The following SYNRG variants were observed in gnomAD, a reference collection of about 807,000 sequenced individuals.
SYNRG encodes the protein synergin gamma, also known as AP1 gamma subunit binding protein 1.
Under a neutral mutation model 130.9 loss-of-function variants are expected in SYNRG, and 37 were observed. The ratio of observed to expected loss-of-function variants is 0.28; its 90% CI spans 0.22 to 0.37. The LOEUF (loss-of-function observed/expected upper bound fraction) is 0.37. Ranked by LOEUF, SYNRG falls within the 10% of genes least tolerant of loss-of-function variation. SYNRG has a pLI of 1.00. For missense variants in SYNRG, 1,338 were observed against 1,588.9 expected, an observed-to-expected ratio of 0.84 and a Z score of 2.68; for synonymous variants, 539 against 568.1, an observed-to-expected ratio of 0.95 and a Z score of 0.73.
intron 16 of SYNRG, 121 bp downstream of exon 16, chr17:37,540,259 C>T: frequency 8.3e-7 from 1 of 1,199,866 alleles, no homozygotes; most frequent in Non-Finnish European, 1.2e-6. Flanking sequence ...TAGTTTATGT[C>T]TGGTGCTTTG....
At position 37,554,302 on chromosome 17, in the gene SYNRG, A is replaced by G. The variant is rs2058938885; in HGVS notation, c.1664-243T>C. On this transcript the variant is annotated intron_variant, in intron 13 of 21. Transcript: ENST00000612223. ...CTGACGGTACCATTTTCATTTGCTC[A>G]TGCTTTTAGTGTGGGATCTCTCTTA... 2.0e-5 allele frequency among the ~76,000 whole-genome samples: 3 copies of G among 152,318 alleles called. No homozygotes were observed. In the South Asian group the frequency reaches 6.2e-4, roughly 32 times the overall value.
chr17:37,531,955 A>G (rs536388791), intron 19 of SYNRG, among the ~76,000 whole-genome samples: 2 of 152,256 alleles, frequency 1.3e-5, no homozygotes, highest in South Asian at 4.2e-4. Context: ...TACTTAACCA[A>G]TCCTCTAGAT....
In SYNRG at chr17:37,547,705, C is replaced by T. The variant is rs1370742412; in HGVS notation, c.2609-5140G>A. Among the ~76,000 whole-genome samples, 6 of 152,256 alleles carry T rather than the reference C, an allele frequency of 3.9e-5. No individual in the cohort carries two copies. The East Asian group carries it at 7.7e-4, about 20-fold the overall frequency. ...CTCCAACTCCTGACCTCAGGTGATC[C>T]GCCTGCCTTCGCCTCCCAAAGTGCT... On this transcript the variant is annotated intron_variant, in intron 14 of 21. Transcript: ENST00000612223.
Position 37,553,841 on chromosome 17 carries a change from C to T in SYNRG, c.1882G>A (p.Glu628Lys), listed in dbSNP as rs766840946. ...ACAGCTGAAAAAGACAATGGTTTCT[C>T]GCTGCTGCAATTAACTGAGGAAAAC... ...DMFSSVNCSSEKPLSFSAVFS... is the reference protein window; with the variant it reads ...DMFSSVNCSSKKPLSFSAVFS... The change falls in exon 14 of 22, where the codon GAG becomes AAG. Residue 628 changes from glutamate (E) to lysine (K), a missense_variant. Glu to Lys is a moderately conservative substitution (Grantham distance 56). Around this residue, in one of 3 missense-constraint regions of SYNRG, gnomAD observed 1,146 missense variants for 1,342.3 expected, o/e 0.85. Transcript: ENST00000612223. 7.4e-6 allele frequency: 12 copies of T among 1,612,848 alleles called. No individual in the cohort carries two copies. In the East Asian group the frequency reaches 2.2e-4, roughly 30 times the overall value.
chr17:37,523,003 T>A (rs549881137), intron 19 of SYNRG, among the ~76,000 whole-genome samples: 1 of 152,236 alleles, frequency 6.6e-6, no homozygotes, highest in Non-Finnish European at 1.5e-5. Flanking sequence ...ACTGAGGACA[T>A]CCCTCAGTCC....
At chr17:37,581,261 AT>A (rs1339981996) in intron 6 of SYNRG, among the ~76,000 whole-genome samples, 1 of 148,700 alleles carries the variant, frequency 6.7e-6, no homozygotes, top group East Asian at 2.2e-4. Context: ...CTTCACATTT[AT>A]TATTATTATT....
chr17:37,550,990 G>A (rs1177987961), intron 14 of SYNRG, among the ~76,000 whole-genome samples: 2 of 152,188 alleles, frequency 1.3e-5, no homozygotes, highest in East Asian at 1.9e-4. Flanking sequence ...ATCAGGCAAT[G>A]TTATCAGTAT....
chr17:37,543,095 C>T (rs1212814066), intron 14 of SYNRG, among the ~76,000 whole-genome samples: 1 of 152,076 alleles, frequency 6.6e-6, no homozygotes, highest in Non-Finnish European at 1.5e-5. Context: ...ATAATATTAT[C>T]AATTATTAGA....
chr17:37,545,457 C>T (rs2058199876), intron 14 of SYNRG, among the ~76,000 whole-genome samples: 1 of 152,100 alleles, frequency 6.6e-6, no homozygotes, highest in South Asian at 2.1e-4. Flanking sequence ...AGCTCCAGTT[C>T]AAACACTGCA....
chr17:37,537,731 C>T (rs1005314623), intron 18 of SYNRG, among the ~76,000 whole-genome samples: 3 of 152,052 alleles, frequency 2.0e-5, no homozygotes, highest in Non-Finnish European at 2.9e-5. Flanking sequence ...TGGGAAGTAC[C>T]GGGGTAGGGA....
At chr17:37,521,414 G>C (rs939580989) in intron 19 of SYNRG, among the ~76,000 whole-genome samples, 2 of 152,098 alleles carry the variant, frequency 1.3e-5, no homozygotes, top group African/African-American at 4.8e-5. Context: ...GTGAGGTAGG[G>C]GAGGGAAGGA....
At position 37,570,718 on chromosome 17, in the gene SYNRG, C is replaced by T; in HGVS notation, c.1266G>A (p.Met422Ile). Residue 422 changes from methionine to isoleucine, a missense_variant, in exon 10 of 22, where the codon ATG (methionine) becomes ATA (isoleucine). Met to Ile is a conservative substitution (Grantham distance 10). Transcript: ENST00000612223. ...SMPLSLGQPV[M>I]GINLVGPVGG... is the part of the protein sequence containing the mutation. ...CCACTGGTCCAACAAGGTTAATGCC[C>T]ATGACTGGCTGTCCAAGGCTGAGGG... The T allele has an allele frequency of 4.3e-6, 7 of 1,614,204 alleles. No individual in the cohort carries two copies. Among genetic ancestry groups the T allele is most frequent in the Non-Finnish European group, 5.9e-6 (7 of 1,180,044 alleles).
intron 1 of SYNRG, among the ~76,000 whole-genome samples, chr17:37,606,634 T>A (rs1224404905): frequency 6.6e-6 from 1 of 152,172 alleles, no homozygotes; most frequent in African/African-American, 2.4e-5. Context: ...AACTCTTTTT[T>A]TTTTCTGCCT....
chr17:37,559,333 TA>T (rs558939425), intron 13 of SYNRG, among the ~76,000 whole-genome samples: 3 of 151,408 alleles, frequency 2.0e-5, no homozygotes, highest in Admixed American at 6.6e-5. Flanking sequence ...AGTGAAAGGC[TA>T]AAAAAAACCA....
chr17:37,539,133 A>C, intron 17 of SYNRG, 59 bp downstream of exon 17: 1 of 1,601,570 alleles, frequency 6.2e-7, no homozygotes. Context: ...TGAACCAAGA[A>C]GGCAAAAAGG....
intron 17 of SYNRG, chr17:37,538,976 A>C (rs1410744537): frequency 1.2e-6 from 1 of 866,138 alleles, no homozygotes; most frequent in East Asian, 1.2e-4. Flanking sequence ...ACACAATGAC[A>C]GATGAGGGGA....
chr17:37,587,666 T>C (rs1276946913), intron 3 of SYNRG, among the ~76,000 whole-genome samples: 1 of 152,250 alleles, frequency 6.6e-6, no homozygotes, highest in Non-Finnish European at 1.5e-5. Context: ...ACTTCAGACA[T>C]TGCTGTCTTC....
chr17:37,606,137 C>T (rs2063727261), intron 1 of SYNRG: 1 of 418,664 alleles, frequency 2.4e-6, no homozygotes, highest in Non-Finnish European at 3.2e-6. Context: ...CTCTACTTTG[C>T]AGTTTTATCT....
In SYNRG at chr17:37,609,358, T is replaced by C; in HGVS notation, c.-3A>G. On this transcript the variant is annotated 5_prime_UTR_variant, in exon 1 of 22. Transcript: ENST00000612223. ...CCAGCTCCTGGCCGCAGCGCCATCT[T>C]GCTCCCGACCTGCCGCTGCCTTCGC... 1.4e-6 allele frequency: 2 copies of C among 1,441,110 alleles called. No homozygotes were observed. Among genetic ancestry groups the C allele is most frequent in the East Asian group, 3.0e-5 (1 of 33,402 alleles). The allele number at this position is 1,441,110 out of a possible 1,614,324, so 89.3% of individuals were successfully genotyped here.
Sources: gnomAD v4.1 joint callset for allele counts (sites outside exome capture counted in the v4.1 genomes callset) on GRCh38, gnomAD v4.1.1 for gene constraint, gnomAD v4.1.1 regional missense constraint, MANE v1.5 for transcripts, NCBI Gene and HGNC (gene_info 2026-07-23, HGNC 2026-07-21) for gene names.